SEMA3D: variants seen among roughly 807,000 people sequenced by gnomAD.
SEMA3D encodes semaphorin-3D.
In SEMA3D, 84 loss-of-function variants were observed where a neutral mutation model predicts 100.1. The ratio of observed to expected loss-of-function variants is 0.84; its 90% CI spans 0.70 to 1.01. The LOEUF (loss-of-function observed/expected upper bound fraction) is 1.01. Among genes scored for constraint, SEMA3D ranks in the 50% least tolerant of loss-of-function variants. The probability of loss-of-function intolerance (pLI) is 0.00; values close to 1 mark genes in which losing one functional copy is unlikely to be tolerated. For missense variants in SEMA3D, 875 were observed against 934.1 expected, an observed-to-expected ratio of 0.94 and a Z score of 0.82; for synonymous variants, 312 against 320.7, an observed-to-expected ratio of 0.97 and a Z score of 0.29.
At chr7:85,244,193 A>T in the SEMA3D span, among the ~76,000 whole-genome samples, 8 of 150,734 alleles carry the variant, frequency 5.3e-5, no homozygotes, top group African/African-American at 1.9e-4. Flanking sequence ...AGAGAAGAAG[A>T]AAGATAAGTG....
In SEMA3D at chr7:85,036,953, T is replaced by C; in HGVS notation, c.1127A>G (p.Lys376Arg). The C allele has an allele frequency of 6.2e-7, 1 of 1,613,216 alleles. No homozygotes were observed. The highest frequency in any genetic ancestry group is 2.2e-5 in the East Asian group (1 of 44,848). ...CACCCAACGATGGTCTGCACTTTCC[T>C]TATGAGCATATGGACCATTAAAAAC... ...RAVFNGPYAH[K>R]ESADHRWVQY... The change falls in exon 12 of 19, where the codon AAG becomes AGG. Residue 376 changes from lysine (K) to arginine (R), a missense_variant. Physicochemically the swap from Lys to Arg is conservative, Grantham distance 26. Coordinates refer to ENST00000284136, the MANE Select transcript of SEMA3D (RefSeq NM_001384900.1).
At chr7:85,045,904 T>A (rs917879091) in intron 9 of SEMA3D, among the ~76,000 whole-genome samples, 1 of 151,930 alleles carries the variant, frequency 6.6e-6, no homozygotes, top group South Asian at 2.1e-4. Context: ...AGAAGAGCAC[T>A]AGTAAAAACA....
chr7:85,110,037 C>T (rs534416312), intron 3 of SEMA3D, among the ~76,000 whole-genome samples: 3 of 152,038 alleles, frequency 2.0e-5, no homozygotes, highest in South Asian at 4.1e-4. Context: ...AAGACACAAC[C>T]CAAGTGCCTC....
At chr7:85,204,325 G>T in the SEMA3D span, among the ~76,000 whole-genome samples, 1 of 141,516 alleles carries the variant, frequency 7.1e-6, no homozygotes, top group Non-Finnish European at 1.5e-5. Flanking sequence ...CTTTTAAACT[G>T]CAGCTATTGA....
chr7:85,165,106 T>C (rs977775098), intron 1 of SEMA3D, among the ~76,000 whole-genome samples: 1 of 151,958 alleles, frequency 6.6e-6, no homozygotes, highest in African/African-American at 2.4e-5. Context: ...TTTGGTTTTT[T>C]GTCCTTGCGA....
intron 4 of SEMA3D, among the ~76,000 whole-genome samples, chr7:85,083,698 T>G (rs1411681254): frequency 6.3e-4 from 89 of 142,066 alleles, no homozygotes; most frequent in South Asian, 2.7e-3. Flanking sequence ...CAAAAAAAAA[T>G]TAGCCGGGCG....
At chr7:85,161,277 T>C (rs1334161120) in intron 1 of SEMA3D, among the ~76,000 whole-genome samples, 2 of 152,184 alleles carry the variant, frequency 1.3e-5, no homozygotes, top group Non-Finnish European at 2.9e-5. Flanking sequence ...CCTTTTAACA[T>C]GGCTTACAGT....
intron 3 of SEMA3D, among the ~76,000 whole-genome samples, chr7:85,101,199 T>G (rs1788733198): frequency 6.6e-6 from 1 of 152,022 alleles, no homozygotes; most frequent in Non-Finnish European, 1.5e-5. Flanking sequence ...ATTCTATGTC[T>G]TCCATGCAAT....
chr7:85,027,303 A>C (rs1395716570), intron 12 of SEMA3D, among the ~76,000 whole-genome samples: 1 of 152,008 alleles, frequency 6.6e-6, no homozygotes, highest in Non-Finnish European at 1.5e-5. Flanking sequence ...AATGACTGTC[A>C]GACACATCTA....
intron 12 of SEMA3D, among the ~76,000 whole-genome samples, chr7:85,034,909 G>A (rs1790650198): frequency 6.6e-6 from 1 of 152,056 alleles, no homozygotes; most frequent in Non-Finnish European, 1.5e-5. Context: ...AAACAGTGTG[G>A]CAGTTCCTCA....
At chr7:85,109,323 TCACCCATTA>T (rs1032784237) in intron 3 of SEMA3D, among the ~76,000 whole-genome samples, 46 of 152,148 alleles carry the variant, frequency 3.0e-4, no homozygotes, top group African/African-American at 1.0e-3. Flanking sequence ...CTAAGCCCCA[TCACCCATTA>T]CAGCTATATT....
At chr7:85,190,921 C>T (rs955760895), upstream of SEMA3D, among the ~76,000 whole-genome samples, 2 of 151,980 alleles carry the variant, frequency 1.3e-5, no homozygotes, top group Admixed American at 1.3e-4. Flanking sequence ...CCAAGGAAGA[C>T]ATAGTTATCA....
chr7:85,213,019 T>C, the SEMA3D span, among the ~76,000 whole-genome samples: 3,424 of 152,082 alleles, frequency 0.023, 166 homozygotes, highest in African/African-American at 0.079. Context: ...AATTTATAAA[T>C]TATCAGTTTA....
chr7:85,020,106 A>G (rs1790213510), intron 14 of SEMA3D, 127 bp downstream of exon 14: 1 of 638,566 alleles, frequency 1.6e-6, no homozygotes, highest in Non-Finnish European at 2.8e-6. Context: ...TGGGAAAAGA[A>G]AACTAAGAAA....
intron 2 of SEMA3D, among the ~76,000 whole-genome samples, chr7:85,152,345 C>A (rs907193379): frequency 2.6e-5 from 4 of 152,080 alleles, no homozygotes; most frequent in African/African-American, 9.7e-5. Context: ...TAAATTTGAT[C>A]TCCGATCACC....
intron 5 of SEMA3D, among the ~76,000 whole-genome samples, chr7:85,079,129 A>G (rs2116222711): frequency 6.6e-6 from 1 of 152,308 alleles, no homozygotes; most frequent in East Asian, 1.9e-4. Flanking sequence ...TGGGCAAGCC[A>G]TTTAAGATTT....
chr7:85,085,870 G>T (rs535125825), intron 4 of SEMA3D, among the ~76,000 whole-genome samples: 1 of 152,256 alleles, frequency 6.6e-6, no homozygotes, highest in East Asian at 1.9e-4. Flanking sequence ...TGTAAAAGAT[G>T]CTTTAATGTT....
chr7:85,105,167 C>T (rs1788877134), intron 3 of SEMA3D, among the ~76,000 whole-genome samples: 1 of 152,050 alleles, frequency 6.6e-6, no homozygotes, highest in Non-Finnish European at 1.5e-5. Context: ...CTTTCAGCAT[C>T]CTTTCTATTT....
chr7:85,026,094 C>G (rs1790383388), intron 12 of SEMA3D, among the ~76,000 whole-genome samples: 1 of 152,000 alleles, frequency 6.6e-6, no homozygotes, highest in Admixed American at 6.6e-5. Context: ...ACATGGCCTA[C>G]ACACAGTTAA....
Sources: allele counts gnomAD v4.1 joint callset (sites outside exome capture counted in the v4.1 genomes callset), GRCh38; gene constraint gnomAD v4.1.1; transcripts MANE v1.5; gene names NCBI Gene and HGNC (gene_info 2026-07-23, HGNC 2026-07-21).